The following MARCHF11 variants were observed in gnomAD, a reference collection of about 807,000 sequenced individuals.
MARCHF11 encodes membrane associated ring-CH-type finger 11, also known as E3 ubiquitin-protein ligase MARCHF11.
MARCHF11 carries 29 observed loss-of-function variants against 37.3 expected under a neutral mutation model. The ratio of observed to expected loss-of-function variants is 0.78; its 90% CI spans 0.58 to 1.06. MARCHF11 has a LOEUF of 1.06. MARCHF11 is among the 50% of genes least tolerant of loss of function. The pLI is 0.00. For missense variants in MARCHF11, 482 were observed against 533.4 expected (o/e 0.90, Z 0.95); for synonymous variants, 233 against 228.0 (o/e 1.02, Z -0.20).
At chr5:16,081,670 T>C (rs1188539835) in intron 3 of MARCHF11, among the ~76,000 whole-genome samples, 1 of 152,142 alleles carries the variant, frequency 6.6e-6, no homozygotes, top group Non-Finnish European at 1.5e-5. Context: ...CTGCCCCCAG[T>C]GAAAGAGACA....
At chr5:16,094,351 A>T (rs982838189) in intron 2 of MARCHF11, among the ~76,000 whole-genome samples, 9 of 152,204 alleles carry the variant, frequency 5.9e-5, no homozygotes, top group Non-Finnish European at 1.2e-4. Flanking sequence ...AAAGTAGAAA[A>T]TAAGTCTCGT....
At position 16,075,740 on chromosome 5, in the gene MARCHF11, G is replaced by T. The variant is rs145255846; in HGVS notation, c.887-7947C>A. Reference sequence around the variant, plus strand: ...TAAAGTAATATTTGCAGATGCCAAAGAAACTGAGACAGGCAGTTCAGGATG... The same window carrying T: ...TAAAGTAATATTTGCAGATGCCAAATAAACTGAGACAGGCAGTTCAGGATG... On this transcript the variant is annotated intron_variant, in intron 3 of 3. Transcript: ENST00000332432. Among the ~76,000 whole-genome samples the T allele has an allele frequency of 1.1e-4, 17 of 152,182 alleles. 1 individual carries two copies. Among genetic ancestry groups the T allele is most frequent in the Admixed American group, 1.1e-3 (17 of 15,276 alleles).
At chr5:16,118,488 C>T (rs796634504) in intron 2 of MARCHF11, among the ~76,000 whole-genome samples, 7 of 152,166 alleles carry the variant, frequency 4.6e-5, no homozygotes, top group African/African-American at 1.4e-4. Flanking sequence ...ACGAGGAGAT[C>T]GGAGAACAAG....
intron 2 of MARCHF11, among the ~76,000 whole-genome samples, chr5:16,094,913 A>G (rs1361041777): frequency 6.6e-6 from 1 of 152,080 alleles, no homozygotes; most frequent in East Asian, 1.9e-4. Flanking sequence ...AATTCCCACA[A>G]CTCATCTATG....
chr5:16,143,990 T>C (rs1737761185), intron 2 of MARCHF11, among the ~76,000 whole-genome samples: 1 of 152,204 alleles, frequency 6.6e-6, no homozygotes, highest in Non-Finnish European at 1.5e-5. Context: ...TGTATTAAAA[T>C]CAACTGAATT....
intron 3 of MARCHF11, among the ~76,000 whole-genome samples, chr5:16,077,427 G>A (rs554584465): frequency 3.3e-5 from 5 of 152,094 alleles, no homozygotes; most frequent in South Asian, 2.1e-4. Context: ...TTGGGGGAGC[G>A]AAAATAATAT....
intron 2 of MARCHF11, among the ~76,000 whole-genome samples, chr5:16,107,055 G>C (rs1737053196): frequency 6.6e-6 from 1 of 152,212 alleles, no homozygotes; most frequent in Non-Finnish European, 1.5e-5. Flanking sequence ...GGTGAGGTGT[G>C]TTACGAAGCT....
At chr5:16,103,129 C>T (rs1388395315) in intron 2 of MARCHF11, among the ~76,000 whole-genome samples, 2 of 136,818 alleles carry the variant, frequency 1.5e-5, no homozygotes, top group Non-Finnish European at 3.2e-5. Flanking sequence ...AAAAACAAAA[C>T]TCCACAAAAG....
rs1437249091 is a variant in MARCHF11 at position 16,067,802 on chromosome 5, T to C, written c.887-9A>G. 1.3e-6 allele frequency: 2 copies of C among 1,594,690 alleles called. No homozygotes were observed. The highest frequency in any genetic ancestry group is 2.7e-5 in the African/African-American group (2 of 74,018). ...TTCATGAACAATGAGACCTAAAATT[T>C]GAGAAAATAAAAAACCAAAAAGACT... On this transcript the variant is annotated splice_polypyrimidine_tract_variant and intron_variant, in intron 3 of 3. Transcript: ENST00000332432.
intron 2 of MARCHF11, among the ~76,000 whole-genome samples, chr5:16,125,813 G>A (rs4702125): frequency 0.034 from 5,239 of 152,214 alleles, 322 homozygotes; most frequent in African/African-American, 0.12. Flanking sequence ...AGGAAATGTA[G>A]TACAAATCCC....
chr5:16,168,818 C>T (rs192089070), intron 2 of MARCHF11, among the ~76,000 whole-genome samples: 116 of 152,158 alleles, frequency 7.6e-4, no homozygotes, highest in African/African-American at 2.4e-3. Flanking sequence ...CCTGGCAAAT[C>T]CTCTGTTCTT....
chr5:16,082,406 A>G (rs1736626227), intron 3 of MARCHF11, among the ~76,000 whole-genome samples: 1 of 152,214 alleles, frequency 6.6e-6, no homozygotes, highest in Non-Finnish European at 1.5e-5. Flanking sequence ...GAACATGCCA[A>G]CCTGCAACAG....
intron 2 of MARCHF11, among the ~76,000 whole-genome samples, chr5:16,166,696 G>A (rs934296893): frequency 6.6e-6 from 1 of 151,768 alleles, no homozygotes; most frequent in African/African-American, 2.4e-5. Context: ...ATGAAATATA[G>A]AAATGATTAC....
intron 3 of MARCHF11, among the ~76,000 whole-genome samples, chr5:16,071,688 T>C (rs1736439190): frequency 6.6e-6 from 1 of 152,176 alleles, no homozygotes; most frequent in Non-Finnish European, 1.5e-5. Context: ...TGAAGTGTTA[T>C]AATTAATAGA....
chr5:16,150,285 AG>A (rs1304646254), intron 2 of MARCHF11, among the ~76,000 whole-genome samples: 1 of 149,508 alleles, frequency 6.7e-6, no homozygotes, highest in African/African-American at 2.6e-5. Context: ...GCTCAAAACT[AG>A]TAAGTAGTGT....
intron 3 of MARCHF11, among the ~76,000 whole-genome samples, chr5:16,079,792 C>A (rs1286854229): frequency 6.6e-6 from 1 of 152,118 alleles, no homozygotes. Flanking sequence ...TGAAAGGAGG[C>A]CTCTCAATGT....
intron 2 of MARCHF11, among the ~76,000 whole-genome samples, chr5:16,163,475 T>A (rs1280948819): frequency 2.0e-5 from 3 of 152,030 alleles, no homozygotes; most frequent in Non-Finnish European, 4.4e-5. Flanking sequence ...ATTCCTACAA[T>A]ATTTGCTGAT....
chr5:16,097,063 GGTGGGATCACTCAACA>G (rs1029664480), intron 2 of MARCHF11, among the ~76,000 whole-genome samples: 3 of 152,166 alleles, frequency 2.0e-5, no homozygotes, highest in African/African-American at 7.2e-5. Context: ...CGCTATGACA[GGTGGGATCACTCAACA>G]GTGTCACAGG....
chr5:16,131,677 A>G (rs934839862), intron 2 of MARCHF11, among the ~76,000 whole-genome samples: 18 of 152,216 alleles, frequency 1.2e-4, no homozygotes, highest in Non-Finnish European at 1.9e-4. Context: ...CTCTGATACA[A>G]TGACGAAGTT....
Sources: gnomAD v4.1 joint callset for allele counts (sites outside exome capture counted in the v4.1 genomes callset) on GRCh38, gnomAD v4.1.1 for gene constraint, MANE v1.5 for transcripts, NCBI Gene and HGNC (gene_info 2026-07-23, HGNC 2026-07-21) for gene names.